ATXN1: variants seen among roughly 807,000 people sequenced by gnomAD.
ATXN1 encodes the protein ataxin-1.
Under a neutral mutation model 56.4 loss-of-function variants are expected in ATXN1, and 8 were observed. The observed-to-expected ratio is 0.14, with a 90% confidence interval of 0.08 to 0.26. ATXN1 has a LOEUF of 0.26. Ranked by LOEUF, ATXN1 falls within the 10% of genes least tolerant of loss-of-function variation. The pLI is 1.00. For synonymous variants in ATXN1, 514 were observed against 494.6 expected (o/e 1.04, Z -0.52); for missense variants, 987 against 1,106.5 (o/e 0.89, Z 1.53).
chr6:16,610,345 T>TA (rs1374789967), intron 3 of ATXN1, among the ~76,000 whole-genome samples: 11 of 151,660 alleles, frequency 7.3e-5, no homozygotes, highest in African/African-American at 2.7e-4. Context: ...TATAAATTAA[T>TA]AAATTAAAGA....
intron 2 of ATXN1, among the ~76,000 whole-genome samples, chr6:16,697,552 A>C (rs1759189341): frequency 6.6e-6 from 1 of 151,790 alleles, no homozygotes; most frequent in African/African-American, 2.4e-5. Flanking sequence ...TCCTTTTCTA[A>C]AGATCTTTTT....
chr6:16,480,048 A>G (rs1235669186), intron 6 of ATXN1, among the ~76,000 whole-genome samples: 1 of 145,848 alleles, frequency 6.9e-6, no homozygotes, highest in East Asian at 2.0e-4. Flanking sequence ...GCTACTTGGG[A>G]GGCTGAGGCA....
chr6:16,742,145 T>C (rs934278880), intron 2 of ATXN1, among the ~76,000 whole-genome samples: 5 of 152,170 alleles, frequency 3.3e-5, no homozygotes, highest in African/African-American at 7.2e-5. Context: ...ACTTGTCTTA[T>C]GGGTCTATGA....
chr6:16,543,205 C>T (rs1761748350), intron 4 of ATXN1, among the ~76,000 whole-genome samples: 1 of 152,180 alleles, frequency 6.6e-6, no homozygotes, highest in Non-Finnish European at 1.5e-5. Context: ...CATTCCTTCC[C>T]ACCGTCCCGC....
rs1403182764 is a variant in ATXN1, at chr6:16,657,797, G to A, written c.-510C>T. On this transcript the variant is annotated 5_prime_UTR_variant, in exon 3 of 8. Coordinates refer to ENST00000436367, the MANE Select transcript of ATXN1 (RefSeq NM_001128164.2). ...TTACCAAAAACCATTTGTGTTTCAAGACCATCCGTGCAGGCTGAAATCCAC... is the reference window on the plus strand; with the variant it reads ...TTACCAAAAACCATTTGTGTTTCAAAACCATCCGTGCAGGCTGAAATCCAC... The A allele has an allele frequency of 6.6e-6, 1 of 152,146 alleles. No individual in the cohort carries two copies. 9.4% of individuals were successfully genotyped at this position (152,146 alleles called of 1,614,324 possible).
intron 4 of ATXN1, among the ~76,000 whole-genome samples, chr6:16,578,147 A>G (rs1218600764): frequency 6.6e-6 from 1 of 152,170 alleles, no homozygotes; most frequent in Non-Finnish European, 1.5e-5. Context: ...TCTAAATGAA[A>G]CTGACTCTTT....
intron 7 of ATXN1, among the ~76,000 whole-genome samples, chr6:16,312,733 A>G (rs1050088178): frequency 2.6e-5 from 4 of 152,092 alleles, no homozygotes; most frequent in Admixed American, 6.5e-5. Flanking sequence ...AAGGACAAAG[A>G]AGTTCTCAAC....
intron 2 of ATXN1, among the ~76,000 whole-genome samples, chr6:16,725,961 T>C (rs1335492200): frequency 6.6e-6 from 1 of 152,238 alleles, no homozygotes; most frequent in African/African-American, 2.4e-5. Flanking sequence ...GCTTTGCCCC[T>C]AGCCCTCTGA....
chr6:16,750,961 T>C (rs1443226925), intron 2 of ATXN1, among the ~76,000 whole-genome samples: 1 of 151,004 alleles, frequency 6.6e-6, no homozygotes, highest in Non-Finnish European at 1.5e-5. Context: ...TTTCTTTTCT[T>C]TCCTCTCTTT....
intron 6 of ATXN1, among the ~76,000 whole-genome samples, chr6:16,463,672 A>G (rs1286255665): frequency 6.6e-6 from 1 of 152,222 alleles, no homozygotes; most frequent in Admixed American, 6.5e-5. Context: ...CTAACCACTC[A>G]GGGATAGTAC....
intron 5 of ATXN1, among the ~76,000 whole-genome samples, chr6:16,513,961 A>G (rs569420680): frequency 1.3e-5 from 2 of 152,208 alleles, no homozygotes; most frequent in African/African-American, 2.4e-5. Flanking sequence ...TGCAGGGGAA[A>G]AAGATTTGGG....
chr6:16,741,739 C>T (rs915721759), intron 2 of ATXN1, among the ~76,000 whole-genome samples: 1 of 152,192 alleles, frequency 6.6e-6, no homozygotes, highest in Non-Finnish European at 1.5e-5. Flanking sequence ...AGGTCCTACT[C>T]AGAAAGACGT....
At position 16,760,130 on chromosome 6, in the gene ATXN1, A is replaced by T. The variant is rs1003745297; in HGVS notation, c.-730+1168T>A. 6.6e-6 allele frequency among the ~76,000 whole-genome samples: 1 copy of T among 151,754 alleles called. No individual in the cohort carries two copies. The highest frequency in any genetic ancestry group is 2.4e-5 in the African/African-American group (1 of 41,330). On this transcript the variant is annotated intron_variant, in intron 1 of 7. Coordinates refer to ENST00000436367, the MANE Select transcript of ATXN1 (RefSeq NM_001128164.2). This position sits in a 1 kb window ranked among gnomAD's most constrained non-coding sequence, Gnocchi z 5.3. ...CCTGCGCGCAGCACTGGAACCACGT[A>T]GGAGGAGGCGGCGGCGCCCCCGGGA...
chr6:16,338,492 C>T (rs1413180312), intron 6 of ATXN1, among the ~76,000 whole-genome samples: 1 of 152,142 alleles, frequency 6.6e-6, no homozygotes, highest in Non-Finnish European at 1.5e-5. Flanking sequence ...GACTCCATCT[C>T]AAAATAATAA....
intron 3 of ATXN1, among the ~76,000 whole-genome samples, chr6:16,598,278 C>A (rs1762851835): frequency 6.6e-6 from 1 of 152,158 alleles, no homozygotes; most frequent in Non-Finnish European, 1.5e-5. Context: ...AGATCACAGC[C>A]CTCCAGCAAC....
intron 3 of ATXN1, among the ~76,000 whole-genome samples, chr6:16,607,544 G>A (rs1763033377): frequency 6.6e-6 from 1 of 152,150 alleles, no homozygotes; most frequent in East Asian, 1.9e-4. Context: ...CAGTGTCTGG[G>A]GTGGGTGGGA....
chr6:16,594,696 C>T (rs762828255), intron 3 of ATXN1, among the ~76,000 whole-genome samples: 8 of 152,018 alleles, frequency 5.3e-5, no homozygotes, highest in South Asian at 2.1e-4. Context: ...TTGGCCAGGA[C>T]GGTCTGGATC....
At chr6:16,436,630 G>A (rs1358397313) in intron 6 of ATXN1, among the ~76,000 whole-genome samples, 2 of 152,050 alleles carry the variant, frequency 1.3e-5, no homozygotes, top group African/African-American at 2.4e-5. Context: ...CAAGGTCCTG[G>A]GGTGGGCTCC....
intron 6 of ATXN1, among the ~76,000 whole-genome samples, chr6:16,445,738 T>G (rs1759620986): frequency 7.0e-6 from 1 of 143,350 alleles, no homozygotes; most frequent in Admixed American, 7.2e-5. Flanking sequence ...GTGTTCTCAT[T>G]GTTCAATTCC....
Sources: allele counts gnomAD v4.1 joint callset (sites outside exome capture counted in the v4.1 genomes callset), GRCh38; gene constraint gnomAD v4.1.1; non-coding constraint Gnocchi (gnomAD v3.1); transcripts MANE v1.5; gene names NCBI Gene and HGNC (gene_info 2026-07-23, HGNC 2026-07-21).